Variants in ZNF521 observed in about 807,000 individuals in gnomAD.
The protein encoded by ZNF521 is zinc finger protein 521, also known as LYST-interacting protein 3.
Under a neutral mutation model 105.5 loss-of-function variants are expected in ZNF521, and 14 were observed. The observed-to-expected ratio is 0.13, with a 90% confidence interval of 0.09 to 0.21. The LOEUF is 0.21. Ranked by LOEUF, ZNF521 falls within the 10% of genes least tolerant of loss-of-function variation. The pLI is 1.00. For missense variants in ZNF521, 1,233 were observed against 1,629.7 expected (o/e 0.76, Z 4.19); for synonymous variants, 635 against 606.0 (o/e 1.05, Z -0.70).
chr18:25,100,091 T>TC (rs1427947643), intron 5 of ZNF521, among the ~76,000 whole-genome samples: 1 of 151,314 alleles, frequency 6.6e-6, no homozygotes, highest in African/African-American at 2.4e-5. Flanking sequence ...TTTCTTTCTT[T>TC]CTTTTTTTTT....
At chr18:25,135,614 G>A (rs780466758) in intron 5 of ZNF521, among the ~76,000 whole-genome samples, 3 of 152,104 alleles carry the variant, frequency 2.0e-5, no homozygotes, top group African/African-American at 4.8e-5. Context: ...CTCAGCTCCC[G>A]TCACTAATGT....
chr18:25,085,653 A>G (rs537056720), intron 7 of ZNF521, among the ~76,000 whole-genome samples: 257 of 144,344 alleles, frequency 1.8e-3, no homozygotes, highest in African/African-American at 4.5e-3. Flanking sequence ...CCATATATAT[A>G]TGTGTGTGTG....
chr18:25,070,717 T>C (rs1175591745), intron 7 of ZNF521, among the ~76,000 whole-genome samples: 1 of 151,890 alleles, frequency 6.6e-6, no homozygotes, highest in East Asian at 1.9e-4. Context: ...ATCTTCCCAG[T>C]TGTGACAAGC....
chr18:25,076,643 A>G (rs1432829040), intron 7 of ZNF521, among the ~76,000 whole-genome samples: 3 of 152,210 alleles, frequency 2.0e-5, no homozygotes, highest in Non-Finnish European at 4.4e-5. Context: ...AGCCTTTATT[A>G]TATAATAAAA....
At chr18:25,184,689 T>G in intron 5 of ZNF521, among the ~76,000 whole-genome samples, 1 of 152,182 alleles carries the variant, frequency 6.6e-6, no homozygotes, top group South Asian at 2.1e-4. Context: ...AAAGACTTGA[T>G]AGTTCTATTG....
At chr18:25,074,320 T>C (rs972334182) in intron 7 of ZNF521, among the ~76,000 whole-genome samples, 1 of 152,204 alleles carries the variant, frequency 6.6e-6, no homozygotes, top group East Asian at 1.9e-4. Context: ...AAAATGCAAG[T>C]ATTTCACAGG....
chr18:25,203,664 GAC>G (rs1555646764), intron 4 of ZNF521, among the ~76,000 whole-genome samples: 1 of 152,096 alleles, frequency 6.6e-6, no homozygotes, highest in Non-Finnish European at 1.5e-5. Context: ...GAAATAGAAA[GAC>G]AATTCAGAAG....
chr18:25,142,848 A>G (rs45572732), intron 5 of ZNF521, among the ~76,000 whole-genome samples: 26 of 152,190 alleles, frequency 1.7e-4, no homozygotes, highest in Non-Finnish European at 3.2e-4. Context: ...AAAATTCAGG[A>G]GACTGTTATT....
intron 4 of ZNF521, among the ~76,000 whole-genome samples, chr18:25,218,484 A>G (rs1353921273): frequency 3.6e-5 from 2 of 55,144 alleles, no homozygotes; most frequent in African/African-American, 4.7e-5. Flanking sequence ...GAGCCTACTA[A>G]AAAAAAAAAA....
At chr18:25,303,174 A>C (rs1468814982) in intron 3 of ZNF521, among the ~76,000 whole-genome samples, 1 of 152,144 alleles carries the variant, frequency 6.6e-6, no homozygotes, top group Non-Finnish European at 1.5e-5. Context: ...CCAAGAAAAA[A>C]GTCTTGGTGC....
intron 4 of ZNF521, among the ~76,000 whole-genome samples, chr18:25,217,744 A>G (rs780107473): frequency 6.6e-6 from 1 of 152,228 alleles, no homozygotes; most frequent in Non-Finnish European, 1.5e-5. Context: ...TTGTCCCAGG[A>G]AATTAATCAG....
intron 3 of ZNF521, among the ~76,000 whole-genome samples, chr18:25,232,210 T>TA (rs1222654095): frequency 6.6e-6 from 1 of 152,196 alleles, no homozygotes; most frequent in Non-Finnish European, 1.5e-5. Flanking sequence ...ATAACTGACT[T>TA]AGAGAGTGAC....
At chr18:25,070,023 T>A (rs1475321228) in intron 7 of ZNF521, among the ~76,000 whole-genome samples, 1 of 152,246 alleles carries the variant, frequency 6.6e-6, no homozygotes, top group East Asian at 1.9e-4. Context: ...CACATGGGCT[T>A]GGTCTGACAT....
intron 5 of ZNF521, among the ~76,000 whole-genome samples, chr18:25,124,201 GT>G (rs2034496438): frequency 6.6e-6 from 1 of 152,110 alleles, no homozygotes; most frequent in Admixed American, 6.6e-5. Context: ...AACTGGGTAA[GT>G]TTTTCTTCTG....
chr18:25,098,355 C>G (rs2033896011), intron 5 of ZNF521, among the ~76,000 whole-genome samples: 2 of 152,024 alleles, frequency 1.3e-5, no homozygotes, highest in Non-Finnish European at 2.9e-5. Flanking sequence ...TCTTCACATT[C>G]TGAATCTAAA....
chr18:25,256,956 C>A (rs751127567), intron 3 of ZNF521, among the ~76,000 whole-genome samples: 1 of 151,994 alleles, frequency 6.6e-6, no homozygotes, highest in Non-Finnish European at 1.5e-5. Context: ...TCAATAAAGG[C>A]ACCACAGATG....
chr18:25,120,591 A>AAAAAC, intron 5 of ZNF521, among the ~76,000 whole-genome samples: 1 of 135,152 alleles, frequency 7.4e-6, no homozygotes, highest in South Asian at 2.2e-4. Context: ...CTAAAAAAAA[A>AAAAAC]AAAAAAAAAA....
At chr18:25,300,623 T>C (rs72874481) in intron 3 of ZNF521, among the ~76,000 whole-genome samples, 9,788 of 152,264 alleles carry the variant, frequency 0.064, 454 homozygotes, top group Non-Finnish European at 0.088. Context: ...CACGTTATAA[T>C]ATTAGGTTGG....
chr18:25,158,071 C>T (rs1222641483), intron 5 of ZNF521, among the ~76,000 whole-genome samples: 1 of 151,926 alleles, frequency 6.6e-6, no homozygotes, highest in Non-Finnish European at 1.5e-5. Context: ...CCTTTTAGTG[C>T]TTAGTTTTCT....
Sources: allele counts gnomAD v4.1 joint callset (sites outside exome capture counted in the v4.1 genomes callset), GRCh38; gene constraint gnomAD v4.1.1; transcripts MANE v1.5; gene names NCBI Gene and HGNC (gene_info 2026-07-23, HGNC 2026-07-21).